Variants in SFT2D2 observed in about 807,000 individuals in gnomAD.
SFT2D2 encodes SFT2 domain containing 2.
Under a neutral mutation model 27.4 loss-of-function variants are expected in SFT2D2, and 21 were observed. The observed-to-expected ratio is 0.77, with a 90% CI of 0.54 to 1.10. The LOEUF is 1.10. Ranked by LOEUF, SFT2D2 falls within the 50% of genes least tolerant of loss-of-function variation. SFT2D2 has a pLI of 0.00. For missense variants in SFT2D2, 187 were observed against 194.2 expected (o/e 0.96, Z 0.22); for synonymous variants, 72 against 71.7 (o/e 1.00, Z -0.02).
intron 7 of SFT2D2, among the ~76,000 whole-genome samples, chr1:168,241,966 A>G (rs1647654210): frequency 6.6e-6 from 1 of 152,132 alleles, no homozygotes. Flanking sequence ...GCTTGGGTAG[A>G]ATAGTAATTT....
rs1421766932 is a variant in SFT2D2 at position 168,249,778 on chromosome 1, A to G, written c.*7238A>G. ...ATAACAGTTCCTGCTGGGTCATTGC[A>G]AGATGTCAGTGAGACGTGTCAAGTG... On this transcript the variant is annotated 3_prime_UTR_variant, in exon 8 of 8. Coordinates refer to ENST00000271375, the MANE Select transcript of SFT2D2 (RefSeq NM_199344.3). 1 of 152,362 alleles carries G rather than the reference A, an allele frequency of 6.6e-6. No homozygotes were observed. The highest frequency in any genetic ancestry group is 2.4e-5 in the African/African-American group (1 of 41,456). The allele number at this position is 152,362 out of a possible 1,614,324, so 9.4% of individuals were successfully genotyped here. A position where few individuals can be genotyped will look rare whatever the true frequency, so the allele number is the denominator to read the frequency against.
In SFT2D2 at chr1:168,235,283, G is replaced by T. The variant is rs560432887; in HGVS notation, c.318+101G>T. 81 of 1,165,410 alleles carry T rather than the reference G, an allele frequency of 7.0e-5. No individual in the cohort carries two copies. In the African/African-American group the frequency reaches 8.9e-4, roughly 13 times the overall value. The allele number at this position is 1,165,410 out of a possible 1,614,324, so 72.2% of individuals were successfully genotyped here. On this transcript the variant is annotated intron_variant, in intron 4 of 7. Coordinates refer to ENST00000271375, the MANE Select transcript of SFT2D2 (RefSeq NM_199344.3). Reference sequence around the variant, plus strand: ...ATCTAAAGACCTCTTCTCTTTTTCCGTTCAGCTTGACTTATTACCCTATTC... The same window carrying T: ...ATCTAAAGACCTCTTCTCTTTTTCCTTTCAGCTTGACTTATTACCCTATTC...
chr1:168,232,759 A>G (rs1345515213), intron 3 of SFT2D2, among the ~76,000 whole-genome samples: 2 of 152,226 alleles, frequency 1.3e-5, no homozygotes, highest in African/African-American at 4.8e-5. Flanking sequence ...AGACAAGTCC[A>G]GTTTGGTCCC....
chr1:168,238,055 G>A (rs576757690), intron 6 of SFT2D2, among the ~76,000 whole-genome samples: 1 of 152,232 alleles, frequency 6.6e-6, no homozygotes, highest in Non-Finnish European at 1.5e-5. Context: ...ACACTCATGT[G>A]TTCTGACTGT....
rs889650290 is a variant in SFT2D2 at position 168,248,843 on chromosome 1, C to T, written c.*6303C>T. 6.6e-6 allele frequency: 1 copy of T among 151,942 alleles called. No individual in the cohort carries two copies. The highest frequency in any genetic ancestry group is 1.5e-5 in the Non-Finnish European group (1 of 68,018). 9.4% of individuals were successfully genotyped at this position (151,942 alleles called of 1,614,324 possible). On this transcript the variant is annotated 3_prime_UTR_variant, in exon 8 of 8. Transcript: ENST00000271375. ...AGGGTGTATATGTCCAGGAATTTAT[C>T]CATTTCTTCTAGATTTTCTACTTTA...
intron 4 of SFT2D2, among the ~76,000 whole-genome samples, chr1:168,235,456 G>A (rs751442834): frequency 2.0e-5 from 3 of 152,220 alleles, no homozygotes; most frequent in Non-Finnish European, 4.4e-5. Flanking sequence ...CAGTGGTGTG[G>A]TGGTAGTAAG....
rs977933487 is a variant in SFT2D2, at chr1:168,250,773, G to A, written c.*8233G>A. ...AGAAAGGGCTCAAACGGAGCCTTCA[G>A]TTCTGCTCCTCTGCATAGCCGTAGC... On this transcript the variant is annotated 3_prime_UTR_variant, in exon 8 of 8. Coordinates refer to ENST00000271375, the MANE Select transcript of SFT2D2 (RefSeq NM_199344.3). 1 of 152,356 alleles carries A rather than the reference G, an allele frequency of 6.6e-6. No individual in the cohort carries two copies. Among genetic ancestry groups the A allele is most frequent in the Non-Finnish European group, 1.5e-5 (1 of 68,090 alleles). 9.4% of individuals were successfully genotyped at this position (152,356 alleles called of 1,614,324 possible).
rs1647784437 is a variant in SFT2D2, at chr1:168,245,536, A to T, written c.*2996A>T. 1 of 149,478 alleles carries T rather than the reference A, an allele frequency of 6.7e-6. No homozygotes were observed. The highest frequency in any genetic ancestry group is 1.5e-5 in the Non-Finnish European group (1 of 67,648). 9.3% of individuals were successfully genotyped at this position (149,478 alleles called of 1,614,324 possible). A position where few individuals can be genotyped will look rare whatever the true frequency, so the allele number is the denominator to read the frequency against. On this transcript the variant is annotated 3_prime_UTR_variant, in exon 8 of 8. Transcript: ENST00000271375. ...TTTCCCATATTAATCTATAGATATA[A>T]TGCAGTCCCCATCCAAAGCCAAGCA... is the stretch of plus-strand genomic sequence containing the variant.
rs1015875719 is a variant in SFT2D2, at chr1:168,251,998, AT to A, written c.*9461del. ...TCTCAGTTGCACTCAAGAATAGGGG[AT>A]TTAGTTCCACTTTGGTTATTTTCAC... On this transcript the variant is annotated 3_prime_UTR_variant, in exon 8 of 8. Coordinates refer to ENST00000271375, the MANE Select transcript of SFT2D2 (RefSeq NM_199344.3). The A allele has an allele frequency of 6.6e-6, 1 of 152,138 alleles. No homozygotes were observed. Among genetic ancestry groups the A allele is most frequent in the Admixed American group, 6.5e-5 (1 of 15,270 alleles). 9.4% of individuals were successfully genotyped at this position (152,138 alleles called of 1,614,324 possible).
chr1:168,228,887 G>C (rs928230218), intron 1 of SFT2D2, among the ~76,000 whole-genome samples: 1 of 152,202 alleles, frequency 6.6e-6, no homozygotes, highest in Non-Finnish European at 1.5e-5. Flanking sequence ...CAGCAGTCAT[G>C]AATTTACAGA....
chr1:168,235,243 T>A (rs932568572), intron 4 of SFT2D2, 61 bp downstream of exon 4: 1 of 1,507,200 alleles, frequency 6.6e-7, no homozygotes, highest in Non-Finnish European at 9.2e-7. Flanking sequence ...TTGTATAGGA[T>A]GTTTTTCTTT....
rs1647799716 is a variant in SFT2D2 at position 168,245,950 on chromosome 1, A to AT, written c.*3415dup. ...TTTATAGTCGCTGTAAGTTGATTCCATTTTTCTTGAAATTGAATTCTCATC... is the reference window on the plus strand; with the variant it reads ...TTTATAGTCGCTGTAAGTTGATTCCATTTTTTCTTGAAATTGAATTCTCATC... On this transcript the variant is annotated 3_prime_UTR_variant, in exon 8 of 8. Coordinates refer to ENST00000271375, the MANE Select transcript of SFT2D2 (RefSeq NM_199344.3). The AT allele has an allele frequency of 6.0e-6, 1 of 167,174 alleles. No individual in the cohort carries two copies. The highest frequency in any genetic ancestry group is 1.9e-4 in the East Asian group (1 of 5,358). The allele number at this position is 167,174 out of a possible 1,614,324, so 10.4% of individuals were successfully genotyped here.
chr1:168,246,584 A>G lies in SFT2D2; in HGVS notation c.*4044A>G, dbSNP rs529249811. On this transcript the variant is annotated 3_prime_UTR_variant, in exon 8 of 8. Transcript: ENST00000271375. ...GAAAGAATCAGAACATGAGAATTCA[A>G]ATTTTCCTGTAAATGACGCAATTTA... The G allele has an allele frequency of 1.6e-5, 24 of 1,511,050 alleles. No homozygotes were observed. In the South Asian group the frequency reaches 2.6e-4, roughly 16 times the overall value. 93.6% of individuals were successfully genotyped at this position (1,511,050 alleles called of 1,614,324 possible). A position where few individuals can be genotyped will look rare whatever the true frequency, so the allele number is the denominator to read the frequency against.
At chr1:168,239,885 A>G (rs1342945403) in intron 7 of SFT2D2, among the ~76,000 whole-genome samples, 13 of 151,214 alleles carry the variant, frequency 8.6e-5, no homozygotes, top group Non-Finnish European at 1.9e-4. Context: ...TTTTAAAAAA[A>G]CTGTACTGGG....
Position 168,250,250 on chromosome 1 carries a change from G to GT in SFT2D2, c.*7713dup, listed in dbSNP as rs1164216506. 2 of 152,180 alleles carry GT rather than the reference G, an allele frequency of 1.3e-5. No homozygotes were observed. Among genetic ancestry groups the GT allele is most frequent in the African/African-American group, 4.8e-5 (2 of 41,434 alleles). 9.4% of individuals were successfully genotyped at this position (152,180 alleles called of 1,614,324 possible). A position where few individuals can be genotyped will look rare whatever the true frequency, so the allele number is the denominator to read the frequency against. On this transcript the variant is annotated 3_prime_UTR_variant, in exon 8 of 8. Coordinates refer to ENST00000271375, the MANE Select transcript of SFT2D2 (RefSeq NM_199344.3). The stretch of plus-strand genomic sequence containing the variant: ...CCTTAAGTTGCCTTATTCTTTGGTT[G>GT]TTTCCCTACTTGTTTTTGTTAGACT...
intron 7 of SFT2D2, among the ~76,000 whole-genome samples, chr1:168,241,998 G>A (rs543176655): frequency 6.6e-6 from 1 of 152,214 alleles, no homozygotes; most frequent in South Asian, 2.1e-4. Context: ...ACTCTTCCTT[G>A]CACCCTCTAC....
At position 168,246,398 on chromosome 1, in the gene SFT2D2, A is replaced by T; in HGVS notation, c.*3858A>T. 1.4e-6 allele frequency: 1 copy of T among 732,138 alleles called. No individual in the cohort carries two copies. Among genetic ancestry groups the T allele is most frequent in the African/African-American group, 1.8e-5 (1 of 55,616 alleles). 45.4% of individuals were successfully genotyped at this position (732,138 alleles called of 1,614,324 possible). A position where few individuals can be genotyped will look rare whatever the true frequency, so the allele number is the denominator to read the frequency against. ...TGCATTTTTCTACTTTATCTTGGCCACTTGTGTACATTTTTTCAATGTCCT... is the reference window on the plus strand; with the variant it reads ...TGCATTTTTCTACTTTATCTTGGCCTCTTGTGTACATTTTTTCAATGTCCT... On this transcript the variant is annotated 3_prime_UTR_variant, in exon 8 of 8. Transcript: ENST00000271375.
In SFT2D2 at chr1:168,247,233, C is replaced by A. The variant is rs1009505293; in HGVS notation, c.*4693C>A. ...TTTATATGAGATTCTGGAAATACTTCTTTTTTTAAATTATACTTTAAGTTC... is the reference window on the plus strand; with the variant it reads ...TTTATATGAGATTCTGGAAATACTTATTTTTTTAAATTATACTTTAAGTTC... On this transcript the variant is annotated 3_prime_UTR_variant, in exon 8 of 8. Coordinates refer to ENST00000271375, the MANE Select transcript of SFT2D2 (RefSeq NM_199344.3). 1.5e-5 allele frequency: 4 copies of A among 267,012 alleles called. No homozygotes were observed. The highest frequency in any genetic ancestry group is 2.9e-5 in the Non-Finnish European group (4 of 137,818). 16.5% of individuals were successfully genotyped at this position (267,012 alleles called of 1,614,324 possible).
chr1:168,252,092 G>A lies in SFT2D2; in HGVS notation c.*9552G>A, dbSNP rs1336664151. 6.6e-6 allele frequency: 1 copy of A among 152,244 alleles called. No homozygotes were observed. The highest frequency in any genetic ancestry group is 2.4e-5 in the African/African-American group (1 of 41,544). The allele number at this position is 152,244 out of a possible 1,614,324, so 9.4% of individuals were successfully genotyped here. On this transcript the variant is annotated 3_prime_UTR_variant, in exon 8 of 8. Transcript: ENST00000271375. The stretch of plus-strand genomic sequence containing the variant: ...TTGGCTTACCAGTTTTCATTGCAGC[G>A]AGTAAATGGGGAGTAGCAGAGCCTT...
Sources: allele counts gnomAD v4.1 joint callset (sites outside exome capture counted in the v4.1 genomes callset), GRCh38; gene constraint gnomAD v4.1.1; transcripts MANE v1.5; gene names NCBI Gene and HGNC (gene_info 2026-07-23, HGNC 2026-07-21).